SMC4: variants seen among roughly 807,000 people sequenced by gnomAD.
SMC4 encodes the protein structural maintenance of chromosomes protein 4.
Under a neutral mutation model 145.6 loss-of-function variants are expected in SMC4, and 87 were observed. The ratio of observed to expected loss-of-function variants is 0.60; its 90% CI spans 0.50 to 0.71. The LOEUF is 0.71. Among genes scored for constraint, SMC4 ranks in the 30% least tolerant of loss-of-function variants. SMC4 has a pLI of 0.00. For missense variants in SMC4, 1,447 were observed against 1,537.1 expected, an observed-to-expected ratio of 0.94 and a Z score of 0.98; for synonymous variants, 558 against 500.7, an observed-to-expected ratio of 1.11 and a Z score of -1.53.
chr3:160,428,708 A>G (rs370542569), intron 17 of SMC4, 45 bp from the exon 18 acceptor site: 11 of 1,520,456 alleles, frequency 7.2e-6, no homozygotes, highest in African/African-American at 1.4e-5. Flanking sequence ...AATGATGTTC[A>G]TTAGCATAAA....
At chr3:160,426,683 T>C (rs746023717) in intron 17 of SMC4, among the ~76,000 whole-genome samples, 1 of 152,184 alleles carries the variant, frequency 6.6e-6, no homozygotes, top group Non-Finnish European at 1.5e-5. Context: ...ATAGAATCTT[T>C]AGGCAGGAAA....
At chr3:160,409,292 A>AAAAAAAAAAC (rs1715713312) in intron 5 of SMC4, among the ~76,000 whole-genome samples, 1 of 131,826 alleles carries the variant, frequency 7.6e-6, no homozygotes, top group African/African-American at 2.8e-5. Context: ...AAAAAAAAAA[A>AAAAAAAAAAC]GACTGAATGT....
chr3:160,431,260 G>A, intron 20 of SMC4, 55 bp downstream of exon 20: 2 of 1,430,582 alleles, frequency 1.4e-6, no homozygotes, highest in South Asian at 2.9e-5. Context: ...GAAAAAGGAG[G>A]GTTTGGGGAG....
intron 16 of SMC4, 89 bp from the exon 17 acceptor site, chr3:160,425,985 T>C (rs1717749393): frequency 3.0e-6 from 3 of 1,001,310 alleles, no homozygotes; most frequent in South Asian, 3.3e-5. Flanking sequence ...TGTCTTTTTC[T>C]TGAAGATTTT....
intron 8 of SMC4, 93 bp downstream of exon 8, chr3:160,413,706 A>G (rs937780759): frequency 2.6e-6 from 2 of 767,398 alleles, no homozygotes; most frequent in Non-Finnish European, 3.9e-6. Flanking sequence ...TTGTGAGTGT[A>G]AGACATTTGC....
chr3:160,400,866 A>T lies in SMC4; in HGVS notation c.40A>T (p.Arg14Ter). 6.5e-7 allele frequency: 1 copy of T among 1,530,324 alleles called. No individual in the cohort carries two copies. Among genetic ancestry groups the T allele is most frequent in the Non-Finnish European group, 8.7e-7 (1 of 1,148,522 alleles). The allele number at this position is 1,530,324 out of a possible 1,614,324, so 94.8% of individuals were successfully genotyped here. The change falls in exon 2 of 24, where the codon AGA becomes TGA. Residue 14 changes from arginine to a stop codon, truncating the protein, a stop_gained. Coordinates refer to ENST00000357388, the MANE Select transcript of SMC4 (RefSeq NM_001002800.3). LOFTEE classifies it high-confidence loss of function. ...CACCCAGCCCTCCACTGCCCGGCGCAGAGAGGAAGGGCCGCCGCCGCCGTC... is the reference window on the plus strand; with the variant it reads ...CACCCAGCCCTCCACTGCCCGGCGCTGAGAGGAAGGGCCGCCGCCGCCGTC... ...KGTQPSTARR[R>*]EEGPPPPSPD...
At chr3:160,425,464 G>T (rs1351165878) in intron 16 of SMC4, among the ~76,000 whole-genome samples, 2 of 152,034 alleles carry the variant, frequency 1.3e-5, no homozygotes, top group Non-Finnish European at 2.9e-5. Flanking sequence ...ATATGTGGTA[G>T]ATATGTGTAG....
Position 160,419,515 on chromosome 3 carries a change from G to A in SMC4, c.1829G>A (p.Gly610Asp), listed in dbSNP as rs757849473. The A allele has an allele frequency of 4.4e-6, 7 of 1,603,862 alleles. No homozygotes were observed. The South Asian group carries it at 8.0e-5, about 18-fold the overall frequency. The change falls in exon 12 of 24, where the codon GGC becomes GAC. Residue 610 changes from glycine to aspartate, a missense_variant. Physicochemically the swap from Gly to Asp is moderately conservative, Grantham distance 94. Coordinates refer to ENST00000357388, the MANE Select transcript of SMC4 (RefSeq NM_001002800.3). ...LDAIIQEKKS[G>D]RIPGIYGRLG... ...GCAATAATTCAAGAAAAAAAATCTG[G>A]CAGGATTCCAGGAATATATGGAAGA...
intron 20 of SMC4, 34 bp from the exon 21 acceptor site, chr3:160,431,609 C>T (rs1718414834): frequency 6.9e-7 from 1 of 1,455,390 alleles, no homozygotes; most frequent in Admixed American, 2.4e-5. Flanking sequence ...TAATATTATG[C>T]CTTCTCTAAC....
rs928679499 is a variant in SMC4, at chr3:160,434,128, A to G, written c.*319A>G. 9.9e-6 allele frequency: 2 copies of G among 201,568 alleles called. No homozygotes were observed. The highest frequency in any genetic ancestry group is 4.7e-5 in the African/African-American group (2 of 42,358). 12.5% of individuals were successfully genotyped at this position (201,568 alleles called of 1,614,324 possible). ...AGGTTGTGCTATCAAGGCTCAGCAT[A>G]CCTTCGTGGGCCTTTGATTTACCAA... On this transcript the variant is annotated 3_prime_UTR_variant, in exon 24 of 24. Transcript: ENST00000357388.
Position 160,423,397 on chromosome 3 carries a change from T to TTTTG in SMC4, c.2020-12_2020-9dup, listed in dbSNP as rs201503540. 5.8e-4 allele frequency: 802 copies of TTTTG among 1,374,346 alleles called. 4 individuals carry two copies. The East Asian group carries it at 0.017, about 29-fold the overall frequency. 85.1% of individuals were successfully genotyped at this position (1,374,346 alleles called of 1,614,324 possible). ...AGTTTTCTTTTTTGTTAACTGTTGTTTTTGTTTGTTTGTTTGTTTACTTTT... is the reference window on the plus strand; with the variant it reads ...AGTTTTCTTTTTTGTTAACTGTTGTTTTTGTTTGTTTGTTTGTTTGTTTACTTTT... On this transcript the variant is annotated intron_variant, in intron 13 of 23. Coordinates refer to ENST00000357388, the MANE Select transcript of SMC4 (RefSeq NM_001002800.3).
At chr3:160,409,265 CAAAAAAAAAAAAAAAA>C (rs10547167) in intron 5 of SMC4, among the ~76,000 whole-genome samples, 2 of 61,946 alleles carry the variant, frequency 3.2e-5, no homozygotes, top group Admixed American at 2.5e-4. Flanking sequence ...AACTCCGTCT[CAAAAAAAAAAAAAAAA>C]AAAAAAAAAA....
In SMC4 at chr3:160,433,823, G is replaced by C; in HGVS notation, c.*14G>C. 1 of 1,589,104 alleles carries C rather than the reference G, an allele frequency of 6.3e-7. No individual in the cohort carries two copies. The highest frequency in any genetic ancestry group is 8.6e-7 in the Non-Finnish European group (1 of 1,168,614). ...GGACTTTGTTGAACTTTATGCTGAA[G>C]ATTCTTCAAGTTGATTCAGTGTATT... is the stretch of plus-strand genomic sequence containing the variant. On this transcript the variant is annotated 3_prime_UTR_variant, in exon 24 of 24. Transcript: ENST00000357388.
At chr3:160,415,983 A>C (rs1428737480) in intron 9 of SMC4, among the ~76,000 whole-genome samples, 3 of 152,198 alleles carry the variant, frequency 2.0e-5, no homozygotes, top group Non-Finnish European at 4.4e-5. Context: ...TCAGGAGAGA[A>C]GGATGACAGA....
chr3:160,404,260 G>T (rs527715026), intron 4 of SMC4, 68 bp from the exon 5 acceptor site: 8 of 1,421,896 alleles, frequency 5.6e-6, no homozygotes, highest in Non-Finnish European at 7.7e-6. Flanking sequence ...TGAAATGAGT[G>T]AATTTTGAAG....
chr3:160,423,470 A>G lies in SMC4; in HGVS notation c.2065A>G (p.Asn689Asp), dbSNP rs1212767183. ...KKMTEIQTPE[N>D]TPRLFDLVKV... is the part of the protein sequence containing the mutation. ...GATGACCGAAATTCAAACTCCTGAA[A>G]ATACTCCTCGTTTATTTGATTTAGT... Residue 689 changes from asparagine to aspartate, a missense_variant, in exon 14 of 24, where the codon AAT becomes GAT. Transcript: ENST00000357388. 1 of 1,612,138 alleles carries G rather than the reference A, an allele frequency of 6.2e-7. No homozygotes were observed. Among genetic ancestry groups the G allele is most frequent in the South Asian group, 1.1e-5 (1 of 90,934 alleles).
At chr3:160,422,333 G>A (rs1717270585) in intron 13 of SMC4, among the ~76,000 whole-genome samples, 1 of 152,154 alleles carries the variant, frequency 6.6e-6, no homozygotes, top group Non-Finnish European at 1.5e-5. Context: ...AAGGGTTCCA[G>A]TTTCTTTACA....
intron 8 of SMC4, 117 bp from the exon 9 acceptor site, chr3:160,414,250 A>G: frequency 1.2e-6 from 1 of 843,652 alleles, no homozygotes; most frequent in Non-Finnish European, 2.0e-6. Flanking sequence ...GAGTTTTAGG[A>G]TCCTGCCTTA....
chr3:160,411,600 C>G (rs1715994852), intron 5 of SMC4, among the ~76,000 whole-genome samples: 1 of 152,008 alleles, frequency 6.6e-6, no homozygotes, highest in Admixed American at 6.6e-5. Flanking sequence ...CTTAAAGAAA[C>G]AAGTTTTATT....
Sources: allele counts gnomAD v4.1 joint callset (sites outside exome capture counted in the v4.1 genomes callset), GRCh38; gene constraint gnomAD v4.1.1; transcripts MANE v1.5; gene names NCBI Gene and HGNC (gene_info 2026-07-23, HGNC 2026-07-21).